LEF1: variants seen among roughly 807,000 people sequenced by gnomAD.
The protein encoded by LEF1 is lymphoid enhancer binding factor 1.
LEF1 carries 14 observed loss-of-function variants against 51.2 expected under a neutral mutation model. The observed-to-expected ratio is 0.27, with a 90% CI of 0.18 to 0.43. The LOEUF (loss-of-function observed/expected upper bound fraction) is 0.43, where lower values mean the gene tolerates loss of function less well. LEF1 is among the 20% of genes least tolerant of loss of function. LEF1 has a pLI of 1.00. For missense variants in LEF1, 386 were observed against 512.0 expected, an observed-to-expected ratio of 0.75 and a Z score of 2.37; for synonymous variants, 185 against 183.2, an observed-to-expected ratio of 1.01 and a Z score of -0.08.
chr4:108,130,945 T>C (rs1742841555), intron 3 of LEF1, among the ~76,000 whole-genome samples: 1 of 152,232 alleles, frequency 6.6e-6, no homozygotes, highest in East Asian at 1.9e-4. Flanking sequence ...AGAAATATTT[T>C]CTTTAATTTA....
intron 3 of LEF1, among the ~76,000 whole-genome samples, chr4:108,089,774 C>T: frequency 6.6e-6 from 1 of 152,050 alleles, no homozygotes; most frequent in East Asian, 1.9e-4. Context: ...ACTGATATCC[C>T]CTCAGCTTAC....
At position 108,053,135 on chromosome 4, in the gene LEF1, G is replaced by T. The variant is rs1032666437; in HGVS notation, c.*7-4384C>A. The stretch of plus-strand genomic sequence containing the variant: ...CAACAACCCCTGTATCCTGGTGGAG[G>T]CAGTCTACATCTGTAACAGTGCAGC... On this transcript the variant is annotated intron_variant, in intron 11 of 11. Coordinates refer to ENST00000265165, the MANE Select transcript of LEF1 (RefSeq NM_016269.5). Among the ~76,000 whole-genome samples the T allele has an allele frequency of 2.0e-4, 30 of 152,132 alleles. 1 individual carries two copies. Among genetic ancestry groups the T allele is most frequent in the Admixed American group, 1.3e-4 (2 of 15,278 alleles).
At chr4:108,074,380 T>C (rs900378746) in intron 8 of LEF1, among the ~76,000 whole-genome samples, 1 of 152,224 alleles carries the variant, frequency 6.6e-6, no homozygotes, top group Non-Finnish European at 1.5e-5. Context: ...TTGTGATAAA[T>C]GGATTTCCTT....
intron 3 of LEF1, among the ~76,000 whole-genome samples, chr4:108,110,035 T>G (rs1450510683): frequency 6.6e-6 from 1 of 152,148 alleles, no homozygotes; most frequent in Non-Finnish European, 1.5e-5. Flanking sequence ...GGGAAAGGTG[T>G]GAAAGGGAAA....
intron 3 of LEF1, among the ~76,000 whole-genome samples, chr4:108,099,532 A>C (rs201683358): frequency 1.1e-5 from 1 of 88,666 alleles, no homozygotes; most frequent in African/African-American, 3.9e-5. Context: ...ATATATATAT[A>C]TATGTGTATA....
chr4:108,055,379 T>C (rs1737250265), intron 11 of LEF1, among the ~76,000 whole-genome samples: 1 of 152,226 alleles, frequency 6.6e-6, no homozygotes, highest in South Asian at 2.1e-4. Flanking sequence ...TGTAAAATAA[T>C]GGCATGAGGT....
At chr4:108,144,169 T>A (rs1040829491) in intron 3 of LEF1, among the ~76,000 whole-genome samples, 2 of 152,148 alleles carry the variant, frequency 1.3e-5, no homozygotes, top group Non-Finnish European at 2.9e-5. Flanking sequence ...ACAAATTTAC[T>A]CTTAAAAACC....
intron 3 of LEF1, among the ~76,000 whole-genome samples, chr4:108,114,727 A>G (rs1741731132): frequency 1.3e-5 from 2 of 152,234 alleles, no homozygotes; most frequent in Non-Finnish European, 2.9e-5. Flanking sequence ...CCTTCTGGAA[A>G]AGGGTTTAAA....
intron 3 of LEF1, among the ~76,000 whole-genome samples, chr4:108,157,177 T>TACACACACACACACACACACAC (rs1326345518): frequency 4.5e-5 from 4 of 89,368 alleles, no homozygotes; most frequent in Non-Finnish European, 7.2e-5. Context: ...TCTATATATA[T>TACACACACACACACACACACAC]ATACACACAC....
At chr4:108,060,150 T>C (rs578058952) in intron 11 of LEF1, among the ~76,000 whole-genome samples, 5 of 152,122 alleles carry the variant, frequency 3.3e-5, no homozygotes, top group Non-Finnish European at 7.4e-5. Context: ...GTAGCCATCC[T>C]GGGGAGGAAG....
chr4:108,119,851 ATATT>A (rs1261456426), intron 3 of LEF1, among the ~76,000 whole-genome samples: 1 of 152,174 alleles, frequency 6.6e-6, no homozygotes, highest in East Asian at 1.9e-4. Context: ...ATATCTATCA[ATATT>A]TATCATATTG....
intron 3 of LEF1, among the ~76,000 whole-genome samples, chr4:108,100,528 T>G (rs141418735): frequency 9.0e-4 from 137 of 152,272 alleles, no homozygotes; most frequent in Non-Finnish European, 1.4e-3. Flanking sequence ...TTCATTTCCA[T>G]CTCTTTTAGG....
intron 3 of LEF1, among the ~76,000 whole-genome samples, chr4:108,107,199 G>A (rs571955978): frequency 1.3e-5 from 2 of 152,086 alleles, no homozygotes; most frequent in East Asian, 3.9e-4. Flanking sequence ...CTCGGAAGAA[G>A]AGCTGAGGTC....
chr4:108,115,807 G>A (rs1741797742), intron 3 of LEF1, among the ~76,000 whole-genome samples: 1 of 149,558 alleles, frequency 6.7e-6, no homozygotes, highest in Admixed American at 6.7e-5. Flanking sequence ...GGAAACTGAG[G>A]CCCAGAGAGG....
intron 9 of LEF1, among the ~76,000 whole-genome samples, chr4:108,070,056 A>G (rs1738358624): frequency 6.6e-6 from 1 of 152,164 alleles, no homozygotes; most frequent in Non-Finnish European, 1.5e-5. Context: ...ATACAGAAAA[A>G]AACTGTTATG....
chr4:108,096,695 C>G (rs955766136), intron 3 of LEF1, among the ~76,000 whole-genome samples: 5 of 152,114 alleles, frequency 3.3e-5, no homozygotes, highest in Non-Finnish European at 5.9e-5. Flanking sequence ...ACCCATCTGA[C>G]AAGGGATTAA....
chr4:108,063,518 A>T, intron 11 of LEF1, 105 bp downstream of exon 11: 2 of 862,856 alleles, frequency 2.3e-6, no homozygotes, highest in Non-Finnish European at 1.9e-6. Flanking sequence ...TCTCCTCTTT[A>T]AGGAGCAATG....
intron 3 of LEF1, among the ~76,000 whole-genome samples, chr4:108,128,977 T>C (rs1742708315): frequency 6.6e-6 from 1 of 152,162 alleles, no homozygotes; most frequent in Non-Finnish European, 1.5e-5. Flanking sequence ...AATTACAGGC[T>C]AACATTTTTA....
At chr4:108,054,561 G>T (rs1189287793) in intron 11 of LEF1, among the ~76,000 whole-genome samples, 1 of 152,198 alleles carries the variant, frequency 6.6e-6, no homozygotes, top group Non-Finnish European at 1.5e-5. Context: ...TCTGGAATGT[G>T]GCAGGTGGTC....
Sources: gnomAD v4.1 joint callset for allele counts (sites outside exome capture counted in the v4.1 genomes callset) on GRCh38, gnomAD v4.1.1 for gene constraint, MANE v1.5 for transcripts, NCBI Gene and HGNC (gene_info 2026-07-23, HGNC 2026-07-21) for gene names.